TLN1: variants seen among roughly 807,000 people sequenced by gnomAD.
TLN1 encodes the protein talin 1.
TLN1 carries 56 observed loss-of-function variants against 292.3 expected under a neutral mutation model. The observed-to-expected ratio is 0.19, with a 90% confidence interval of 0.15 to 0.24. The LOEUF is 0.24. Among genes scored for constraint, TLN1 ranks in the 10% least tolerant of loss-of-function variants. The probability of loss-of-function intolerance (pLI) is 1.00; values close to 1 mark genes in which losing one functional copy is unlikely to be tolerated. For missense variants in TLN1, 2,433 were observed against 3,248.2 expected, an observed-to-expected ratio of 0.75 and a Z score of 6.10; for synonymous variants, 1,119 against 1,253.7, an observed-to-expected ratio of 0.89 and a Z score of 2.27.
Position 35,732,035 on chromosome 9 carries a change from G to GC in TLN1, c.-34+39dup, listed in dbSNP as rs1426441276. 1 of 152,350 alleles carries GC rather than the reference G, an allele frequency of 6.6e-6. No homozygotes were observed. The highest frequency in any genetic ancestry group is 1.5e-5 in the Non-Finnish European group (1 of 67,940). The allele number at this position is 152,350 out of a possible 1,614,324, so 9.4% of individuals were successfully genotyped here. ...GCCCGCCCCGGGGCCAGGCCCCGCG[G>GC]CCCCACCCTAAGGCCCCCGCCCGGC... On this transcript the variant is annotated intron_variant, in intron 1 of 56. Coordinates refer to ENST00000314888, the MANE Select transcript of TLN1 (RefSeq NM_006289.4). The surrounding 1 kb of genome is among the most constrained non-coding windows in gnomAD (Gnocchi z 5.1).
chr9:35,718,869 C>G lies in TLN1; in HGVS notation c.1938G>C (p.Gln646His). ...TTTGTTGCAACAGCTCCCCACTGGC[C>G]TGGCCCACGTTCCCAGCTGCTTGCA... ...NLLQAAGNVG[Q>H]ASGELLQQIG... Residue 646 changes from glutamine (Q) to histidine (H), a missense_variant, in exon 17 of 57, where the codon CAG (glutamine) becomes CAC (histidine). Transcript: ENST00000314888. 6.2e-7 allele frequency: 1 copy of G among 1,613,704 alleles called. No individual in the cohort carries two copies. The highest frequency in any genetic ancestry group is 1.1e-5 in the South Asian group (1 of 90,948).
rs548775752 is a variant in TLN1 at position 35,724,482 on chromosome 9, G to T, written c.511+90C>A. The T allele has an allele frequency of 6.4e-7, 1 of 1,564,188 alleles. No individual in the cohort carries two copies. The highest frequency in any genetic ancestry group is 1.4e-5 in the African/African-American group (1 of 73,290). On this transcript the variant is annotated intron_variant, in intron 5 of 56. Coordinates refer to ENST00000314888, the MANE Select transcript of TLN1 (RefSeq NM_006289.4). This position sits in a 1 kb window ranked among gnomAD's most constrained non-coding sequence, Gnocchi z 4.7. The stretch of plus-strand genomic sequence containing the variant: ...TGTTTTCTCACTGATGTATCCCCAG[G>T]GTGTAAAACAGTGCCTGGCAGAAGC...
rs878946268 is a variant in TLN1 at position 35,719,159 on chromosome 9, C to A, written c.1811G>T (p.Ser604Ile). 6.2e-7 allele frequency: 1 copy of A among 1,614,102 alleles called. No homozygotes were observed. Among genetic ancestry groups the A allele is most frequent in the African/African-American group, 1.3e-5 (1 of 74,952 alleles). ...LAALLEDEGG[S>I]GRPLLQAAKG... is the part of the protein sequence containing the mutation. The stretch of plus-strand genomic sequence containing the variant: ...TGCTGCCTGCAACAGGGGCCGACCA[C>A]TGCCGCCTTCGTCCTCCAGCAAGGC... Residue 604 changes from serine (S) to isoleucine (I), a missense_variant, in exon 16 of 57, where the codon AGT becomes ATT. Ser to Ile is a moderately radical substitution (Grantham distance 142). Transcript: ENST00000314888. The surrounding 1 kb of genome is among the most constrained non-coding windows in gnomAD (Gnocchi z 4.6).
chr9:35,702,530 T>C (rs957214986), intron 48 of TLN1, among the ~76,000 whole-genome samples: 84 of 152,146 alleles, frequency 5.5e-4, no homozygotes, highest in African/African-American at 2.0e-3. Context: ...TCTCACTCTG[T>C]TGCCCAGGCT....
Position 35,699,722 on chromosome 9 carries a change from A to G in TLN1, c.6768+252T>C, listed in dbSNP as rs2131879518. The G allele has an allele frequency of 1.0e-6, 1 of 983,742 alleles. No individual in the cohort carries two copies. The highest frequency in any genetic ancestry group is 1.2e-6 in the Non-Finnish European group (1 of 828,446). 60.9% of individuals were successfully genotyped at this position (983,742 alleles called of 1,614,324 possible). A position where few individuals can be genotyped will look rare whatever the true frequency, so the allele number is the denominator to read the frequency against. ...AAAGAGGAGACGACGAAAGTAGAGAAGGGGGTGGTCAGGTGGGAAGGGAGG... is the reference window on the plus strand; with the variant it reads ...AAAGAGGAGACGACGAAAGTAGAGAGGGGGGTGGTCAGGTGGGAAGGGAGG... On this transcript the variant is annotated intron_variant, in intron 50 of 56. Coordinates refer to ENST00000314888, the MANE Select transcript of TLN1 (RefSeq NM_006289.4). The surrounding 1 kb of genome is among the most constrained non-coding windows in gnomAD (Gnocchi z 4.0).
At chr9:35,702,406 T>C (rs1825481016) in intron 48 of TLN1, among the ~76,000 whole-genome samples, 1 of 152,170 alleles carries the variant, frequency 6.6e-6, no homozygotes, top group African/African-American at 2.4e-5. Context: ...CCTCCACATT[T>C]ACTAAGTTAA....
At chr9:35,720,410 G>C (rs748666366) in intron 12 of TLN1, 23 bp downstream of exon 12, 1 of 1,612,380 alleles carries the variant, frequency 6.2e-7, no homozygotes, top group East Asian at 2.2e-5. Context: ...TGGGAAATGG[G>C]ATCAGCCCAA....
Position 35,725,279 on chromosome 9 carries a change from T to G in TLN1, c.173A>C (p.Lys58Thr). The G allele has an allele frequency of 6.2e-7, 1 of 1,614,114 alleles. No homozygotes were observed. The highest frequency in any genetic ancestry group is 8.5e-7 in the Non-Finnish European group (1 of 1,179,994). Reference sequence around the variant, plus strand: ...TTTCCCAGCCTCCAGCCATATACCCTTTTTGGGGTCATCATCTGACAGAAA... The same window carrying G: ...TTTCCCAGCCTCCAGCCATATACCCGTTTTGGGGTCATCATCTGACAGAAA... The part of the protein sequence containing the change: ...GLFLSDDDPK[K>T]GIWLEAGKAL... The change falls in exon 3 of 57, where the codon AAG becomes ACG. Residue 58 changes from lysine to threonine, a missense_variant. Physicochemically the swap from Lys to Thr is moderately conservative, Grantham distance 78 (BLOSUM62 -1). This residue lies in a region of TLN1 where 155 missense variants were observed against 287.9 expected (regional missense o/e 0.54). Transcript: ENST00000314888.
chr9:35,700,413 G>T, intron 48 of TLN1, 37 bp from the exon 49 acceptor site: 1 of 1,578,402 alleles, frequency 6.3e-7, no homozygotes, highest in Non-Finnish European at 8.7e-7. Flanking sequence ...TTTTACAGTG[G>T]CTGAGACTAT....
intron 20 of TLN1, 121 bp downstream of exon 20, chr9:35,716,269 T>C: frequency 2.6e-6 from 3 of 1,150,054 alleles, no homozygotes. Context: ...AGTGCTCCTA[T>C]ATTTGTCCTC....
intron 9 of TLN1, 48 bp downstream of exon 9, chr9:35,722,071 G>A: frequency 2.0e-6 from 3 of 1,537,602 alleles, no homozygotes; most frequent in Non-Finnish European, 2.7e-6. Context: ...GACAGAAAAG[G>A]GCAAGAGTGG....
In TLN1 at chr9:35,707,598, T is replaced by G. The variant is rs1587979585; in HGVS notation, c.4633-110A>C. On this transcript the variant is annotated intron_variant, in intron 35 of 56. Transcript: ENST00000314888. The surrounding 1 kb of genome is among the most constrained non-coding windows in gnomAD (Gnocchi z 5.6). ...TTACAGGATTTGGGGAGAGGCTAGGTGGTCAGTCTGAATAGAAAGAGCTTG... is the reference window on the plus strand; with the variant it reads ...TTACAGGATTTGGGGAGAGGCTAGGGGGTCAGTCTGAATAGAAAGAGCTTG... 1.3e-6 allele frequency: 2 copies of G among 1,571,952 alleles called. No homozygotes were observed. The highest frequency in any genetic ancestry group is 4.5e-5 in the East Asian group (2 of 44,448).
chr9:35,722,720 CA>C, intron 8 of TLN1, 140 bp downstream of exon 8: 2 of 762,502 alleles, frequency 2.6e-6, no homozygotes, highest in Non-Finnish European at 2.3e-6. Flanking sequence ...GCTTTCTTGG[CA>C]GAGGTGAGGT....
intron 17 of TLN1, among the ~76,000 whole-genome samples, chr9:35,718,424 G>A (rs184814472): frequency 5.8e-4 from 88 of 152,302 alleles, no homozygotes; most frequent in Non-Finnish European, 7.4e-4. Context: ...GGAAATCCAG[G>A]GTGAAAAGTC....
intron 48 of TLN1, among the ~76,000 whole-genome samples, chr9:35,701,076 C>T (rs192009001): frequency 6.6e-6 from 1 of 152,252 alleles, no homozygotes; most frequent in East Asian, 1.9e-4. Context: ...GAGGAGGTGA[C>T]ATTGAGGCTG....
chr9:35,714,661 C>A lies in TLN1; in HGVS notation c.2898G>T (p.Leu966=), dbSNP rs368624273. 2 of 1,614,060 alleles carry A rather than the reference C, an allele frequency of 1.2e-6. No individual in the cohort carries two copies. Among genetic ancestry groups the A allele is most frequent in the South Asian group, 2.2e-5 (2 of 91,088 alleles). ...CTTGGCTTCCTCGGACGCCCTGCACCAGCAGTGGAATCTGCTCTGCCACTG... is the reference window on the plus strand; with the variant it reads ...CTTGGCTTCCTCGGACGCCCTGCACAAGCAGTGGAATCTGCTCTGCCACTG... ...CKAVAEQIPL[L]VQGVRGSQAQ... Residue 966 remains leucine, a synonymous_variant, in exon 23 of 57, where the codon CTG becomes CTT. Transcript: ENST00000314888. This position sits in a 1 kb window ranked among gnomAD's most constrained non-coding sequence, Gnocchi z 4.6.
chr9:35,705,938 C>T (rs1563940021), intron 41 of TLN1, 24 bp downstream of exon 41: 1 of 1,614,064 alleles, frequency 6.2e-7, no homozygotes, highest in East Asian at 2.2e-5. Context: ...GCCTCAGTGT[C>T]CAAAGGCACC....
At chr9:35,727,478 T>G (rs1825998014) in intron 1 of TLN1, among the ~76,000 whole-genome samples, 1 of 152,030 alleles carries the variant, frequency 6.6e-6, no homozygotes, top group Non-Finnish European at 1.5e-5. Context: ...TTACAAGCAG[T>G]CCAGAGTCTC....
At chr9:35,705,414 C>A in intron 43 of TLN1, 137 bp downstream of exon 43, 1 of 863,130 alleles carries the variant, frequency 1.2e-6, no homozygotes, top group South Asian at 1.8e-5. Context: ...CAGAGCCTCA[C>A]TAGTCTTCAG....
Sources: allele counts gnomAD v4.1 joint callset (sites outside exome capture counted in the v4.1 genomes callset), GRCh38; gene constraint gnomAD v4.1.1; regional missense constraint gnomAD v4.1.1; non-coding constraint Gnocchi (gnomAD v3.1); transcripts MANE v1.5; gene names NCBI Gene and HGNC (gene_info 2026-07-23, HGNC 2026-07-21).